Variants in CACNG2 observed in about 807,000 individuals in gnomAD.
CACNG2 encodes calcium voltage-gated channel auxiliary subunit gamma 2.
Under a neutral mutation model 25.9 loss-of-function variants are expected in CACNG2, and 3 were observed. The ratio of observed to expected loss-of-function variants is 0.12; its 90% CI spans 0.05 to 0.30. The LOEUF (loss-of-function observed/expected upper bound fraction) is 0.30. CACNG2 is among the 10% of genes least tolerant of loss of function. CACNG2 has a pLI of 1.00. For missense variants in CACNG2, 341 were observed against 432.5 expected, an observed-to-expected ratio of 0.79 and a Z score of 1.88; for synonymous variants, 167 against 173.3, an observed-to-expected ratio of 0.96 and a Z score of 0.29.
At chr22:36,586,986 T>C (rs57986643) in intron 2 of CACNG2, among the ~76,000 whole-genome samples, 8,865 of 151,484 alleles carry the variant, frequency 0.059, 867 homozygotes, top group African/African-American at 0.2. Flanking sequence ...GAAGTTCCAA[T>C]CTGGCACTGC....
rs1935076354 is a variant in CACNG2 at position 36,564,003 on chromosome 22, A to G, written c.*348T>C. ...TTATTAAATGTTAAAATAATGGTAC[A>G]TGGGAAATCATGCATTTTCTTTTAG... On this transcript the variant is annotated 3_prime_UTR_variant, in exon 4 of 4. Coordinates refer to ENST00000300105, the MANE Select transcript of CACNG2 (RefSeq NM_006078.5). This position sits in a 1 kb window ranked among gnomAD's most constrained non-coding sequence, Gnocchi z 6.7. The G allele has an allele frequency of 5.2e-6, 1 of 191,490 alleles. No homozygotes were observed. Among genetic ancestry groups the G allele is most frequent in the African/African-American group, 2.4e-5 (1 of 42,148 alleles). The allele number at this position is 191,490 out of a possible 1,614,324, so 11.9% of individuals were successfully genotyped here.
chr22:36,573,706 G>T (rs1013058052), intron 2 of CACNG2, among the ~76,000 whole-genome samples: 9 of 152,174 alleles, frequency 5.9e-5, no homozygotes, highest in African/African-American at 2.2e-4. Context: ...ATTTGTTCAA[G>T]ATTTGTGAAT....
chr22:36,578,671 C>T (rs373129607), intron 2 of CACNG2, among the ~76,000 whole-genome samples: 1 of 152,180 alleles, frequency 6.6e-6, no homozygotes, highest in African/African-American at 2.4e-5. Flanking sequence ...AGGAGGGACA[C>T]TGTCTGAGGC....
Position 36,568,337 on chromosome 22 carries a change from G to T in CACNG2, c.296-1844C>A, listed in dbSNP as rs538111740. ...TTTTGGGTGGGAGTGTGTTCAAGAA[G>T]GATCTGTGAGAAGAGAATTTCTCTA... On this transcript the variant is annotated intron_variant, in intron 2 of 3. Transcript: ENST00000300105. 2.6e-5 allele frequency among the ~76,000 whole-genome samples: 4 copies of T among 152,180 alleles called. No individual in the cohort carries two copies. In the South Asian group the frequency reaches 8.3e-4, roughly 32 times the overall value.
intron 2 of CACNG2, among the ~76,000 whole-genome samples, chr22:36,578,431 C>T (rs1376242440): frequency 6.6e-6 from 1 of 151,646 alleles, no homozygotes; most frequent in Non-Finnish European, 1.5e-5. Flanking sequence ...CTGGTGGACG[C>T]CCCTCATGCT....
intron 2 of CACNG2, among the ~76,000 whole-genome samples, chr22:36,573,521 G>A (rs1448426759): frequency 2.0e-5 from 3 of 152,044 alleles, no homozygotes; most frequent in Admixed American, 2.0e-4. Context: ...TAGTAGAGAC[G>A]GGGTTTCACC....
chr22:36,616,560 T>C (rs1936024384), intron 1 of CACNG2, among the ~76,000 whole-genome samples: 1 of 152,120 alleles, frequency 6.6e-6, no homozygotes, highest in Admixed American at 6.5e-5. Context: ...CTGGACAAAG[T>C]GTGACTGTTT....
intron 1 of CACNG2, among the ~76,000 whole-genome samples, chr22:36,626,780 T>A (rs1430780832): frequency 2.0e-5 from 3 of 152,210 alleles, no homozygotes; most frequent in Non-Finnish European, 4.4e-5. Flanking sequence ...AGTCTGTAGC[T>A]ATACATAGGG....
At chr22:36,573,011 A>G (rs1041639473) in intron 2 of CACNG2, among the ~76,000 whole-genome samples, 10 of 152,098 alleles carry the variant, frequency 6.6e-5, no homozygotes, top group Non-Finnish European at 1.5e-4. Context: ...TCAGATAATC[A>G]CACAGCCTGG....
intron 1 of CACNG2, among the ~76,000 whole-genome samples, chr22:36,661,469 G>T (rs1352395346): frequency 6.6e-6 from 1 of 152,196 alleles, no homozygotes; most frequent in Non-Finnish European, 1.5e-5. Flanking sequence ...AGGAGGTTCA[G>T]TGTGGACTTG....
intron 1 of CACNG2, among the ~76,000 whole-genome samples, chr22:36,692,478 C>A (rs1937278492): frequency 6.6e-6 from 1 of 152,158 alleles, no homozygotes; most frequent in African/African-American, 2.4e-5. Context: ...GCTTTTATGG[C>A]AAAGCTGGGG....
intron 1 of CACNG2, among the ~76,000 whole-genome samples, chr22:36,639,773 C>G (rs996735567): frequency 6.6e-6 from 1 of 152,230 alleles, no homozygotes; most frequent in African/African-American, 2.4e-5. Context: ...CTCCCCACAT[C>G]TGGAAGGCTT....
chr22:36,699,441 T>C (rs947404392), intron 1 of CACNG2, among the ~76,000 whole-genome samples: 1 of 152,154 alleles, frequency 6.6e-6, no homozygotes, highest in Non-Finnish European at 1.5e-5. Flanking sequence ...CATTTTTTTT[T>C]TCTATTCTTA....
At chr22:36,639,965 C>A (rs1936418468) in intron 1 of CACNG2, among the ~76,000 whole-genome samples, 1 of 152,182 alleles carries the variant, frequency 6.6e-6, no homozygotes, top group African/African-American at 2.4e-5. Context: ...TCCCGAGTTC[C>A]TGTCAATGGG....
At chr22:36,578,730 C>T (rs558329863) in intron 2 of CACNG2, among the ~76,000 whole-genome samples, 1 of 152,310 alleles carries the variant, frequency 6.6e-6, no homozygotes, top group South Asian at 2.1e-4. Flanking sequence ...CCTCCTCTGA[C>T]CTCATTCTGG....
At position 36,562,376 on chromosome 22, in the gene CACNG2, G is replaced by A. The variant is rs2145900454; in HGVS notation, c.*1975C>T. The A allele has an allele frequency of 6.6e-6, 1 of 152,014 alleles. No homozygotes were observed. The highest frequency in any genetic ancestry group is 2.1e-4 in the South Asian group (1 of 4,812). The allele number at this position is 152,014 out of a possible 1,614,324, so 9.4% of individuals were successfully genotyped here. On this transcript the variant is annotated 3_prime_UTR_variant, in exon 4 of 4. Coordinates refer to ENST00000300105, the MANE Select transcript of CACNG2 (RefSeq NM_006078.5). ...TGGGTCAATCCACATGCTTACATGG[G>A]GGGAAAATTAAGGCCCAGAGAGGCC...
intron 1 of CACNG2, among the ~76,000 whole-genome samples, chr22:36,699,707 T>C (rs1206022359): frequency 1.3e-5 from 2 of 151,698 alleles, no homozygotes; most frequent in Non-Finnish European, 2.9e-5. Flanking sequence ...AAACACAAGT[T>C]GGGGGAACCT....
intron 1 of CACNG2, among the ~76,000 whole-genome samples, chr22:36,602,152 A>G (rs1207680477): frequency 6.6e-6 from 1 of 152,042 alleles, no homozygotes; most frequent in Non-Finnish European, 1.5e-5. Context: ...TCCTCTGCTC[A>G]TTTTTAAATT....
intron 2 of CACNG2, among the ~76,000 whole-genome samples, chr22:36,570,535 G>T (rs1010851837): frequency 6.6e-6 from 1 of 152,028 alleles, no homozygotes; most frequent in Admixed American, 6.6e-5. Flanking sequence ...AGAGGTGGGT[G>T]GATCACCTGA....
Sources: allele counts gnomAD v4.1 joint callset (sites outside exome capture counted in the v4.1 genomes callset), GRCh38; gene constraint gnomAD v4.1.1; non-coding constraint Gnocchi (gnomAD v3.1); transcripts MANE v1.5; gene names NCBI Gene and HGNC (gene_info 2026-07-23, HGNC 2026-07-21).